NAALADL1: variants seen among roughly 807,000 people sequenced by gnomAD.
NAALADL1 encodes the protein N-acetylated alpha-linked acidic dipeptidase like 1, also known as aminopeptidase NAALADL1.
Under a neutral mutation model 82.8 loss-of-function variants are expected in NAALADL1, and 77 were observed. The ratio of observed to expected loss-of-function variants is 0.93; its 90% CI spans 0.77 to 1.12. NAALADL1 has a LOEUF of 1.12. Ranked by LOEUF, NAALADL1 falls within the 50% of genes most tolerant of loss-of-function variation. NAALADL1 has a pLI of 0.00. For synonymous variants in NAALADL1, 358 were observed against 399.2 expected (o/e 0.90, Z 1.23); for missense variants, 956 against 964.0 (o/e 0.99, Z 0.11).
intron 3 of NAALADL1, among the ~76,000 whole-genome samples, 187 bp downstream of exon 3, chr11:65,057,688 A>G (rs1442870125): frequency 6.6e-6 from 1 of 152,010 alleles, no homozygotes; most frequent in Non-Finnish European, 1.5e-5. Flanking sequence ...CCTGGCCTTG[A>G]GCAGAGCCAC....
At chr11:65,057,536 A>G (rs201651157) in intron 3 of NAALADL1, 43 bp from the exon 4 acceptor site, 1 of 1,584,522 alleles carries the variant, frequency 6.3e-7, no homozygotes, top group South Asian at 1.1e-5. Flanking sequence ...GGCCCAGCGA[A>G]GTGTGGGTGG....
chr11:65,060,980 C>T (rs1406764080), upstream of NAALADL1, among the ~76,000 whole-genome samples: 6 of 152,150 alleles, frequency 3.9e-5, no homozygotes, highest in Non-Finnish European at 7.3e-5. Flanking sequence ...CTCCGTCCCA[C>T]CCTCCTTCAC....
chr11:65,056,798 A>G (rs1048292169), intron 4 of NAALADL1, among the ~76,000 whole-genome samples: 8 of 145,562 alleles, frequency 5.5e-5, no homozygotes, highest in Non-Finnish European at 1.2e-4. Flanking sequence ...GCTCACTACC[A>G]TCTCTGCCTC....
Position 65,046,094 on chromosome 11 carries a change from C to G in NAALADL1, c.1876G>C (p.Glu626Gln), listed in dbSNP as rs747273121. Residue 626 changes from glutamate (E) to glutamine (Q), a missense_variant, in exon 16 of 18, where the codon GAG becomes CAG. By Grantham distance (29) the Glu-to-Gln change is conservative. Transcript: ENST00000358658. Reference sequence around the variant, plus strand: ...GCTGCAGCTTCTGCCTCAAACTTCTCCACTGCAGTCACCAGAGGCCCTGTG... The same window carrying G: ...GCTGCAGCTTCTGCCTCAAACTTCTGCACTGCAGTCACCAGAGGCCCTGTG... ...ISLGPLVTAV[E>Q]KFEAEAAALG... 1.2e-6 allele frequency: 2 copies of G among 1,614,146 alleles called. No individual in the cohort carries two copies. Among genetic ancestry groups the G allele is most frequent in the Non-Finnish European group, 1.7e-6 (2 of 1,180,028 alleles).
Position 65,053,359 on chromosome 11 carries a change from G to A in NAALADL1, c.1079-22C>T, listed in dbSNP as rs1366721383. 3.7e-6 allele frequency: 6 copies of A among 1,601,476 alleles called. No homozygotes were observed. The African/African-American group carries it at 8.0e-5, about 21-fold the overall frequency. ...CGATCTGGCCAGAGGAAAAGGGGCA[G>A]AGAACCAGAGGAGAGGGAGAGGTGG... On this transcript the variant is annotated intron_variant, in intron 7 of 17. Transcript: ENST00000358658. The surrounding 1 kb of genome is among the most constrained non-coding windows in gnomAD (Gnocchi z 4.3).
Position 65,046,529 on chromosome 11 carries a change from G to A in NAALADL1, c.1600-3C>T, listed in dbSNP as rs1946735600. The A allele has an allele frequency of 1.9e-6, 3 of 1,614,130 alleles. No homozygotes were observed. Among genetic ancestry groups the A allele is most frequent in the Non-Finnish European group, 2.5e-6 (3 of 1,179,984 alleles). On this transcript the variant is annotated splice_region_variant and splice_polypyrimidine_tract_variant and intron_variant, in intron 13 of 17. Coordinates refer to ENST00000358658, the MANE Select transcript of NAALADL1 (RefSeq NM_005468.3). ...TAGATCCTGGCTGAAGTCTTGCTCT[G>A]GGGGAACAAAGCCCAGAGGTGACAG...
In NAALADL1 at chr11:65,054,654, CG is replaced by C; in HGVS notation, c.687del (p.Asp230ThrfsTer28). Reference protein sequence around the residue: ...PADINDGLSSPDETFPNSWYL... With the variant: ...PADINDGLSSXDETFPNSWYL... ...TACCAGGAGTTGGGAAAGGTTTCGTCGGGTGAGCTCAGCCCATCGTTGATGT... is the reference window on the plus strand; with the variant it reads ...TACCAGGAGTTGGGAAAGGTTTCGTCGGTGAGCTCAGCCCATCGTTGATGT... On this transcript the variant is annotated frameshift_variant, in exon 5 of 18. Transcript: ENST00000358658. LOFTEE classifies it high-confidence loss of function. This position sits in a 1 kb window ranked among gnomAD's most constrained non-coding sequence, Gnocchi z 4.3. 3.1e-6 allele frequency: 5 copies of C among 1,614,090 alleles called. No homozygotes were observed. The highest frequency in any genetic ancestry group is 4.2e-6 in the Non-Finnish European group (5 of 1,180,008).
chr11:65,047,892 T>TGCCCCCCC, intron 11 of NAALADL1, 89 bp downstream of exon 11: 8 of 1,367,728 alleles, frequency 5.8e-6, no homozygotes, highest in Non-Finnish European at 3.0e-6. Context: ...AGAGTACCAC[T>TGCCCCCCC]CCCCAGCCCC....
chr11:65,057,230 C>T, intron 4 of NAALADL1, 141 bp downstream of exon 4: 4 of 1,294,902 alleles, frequency 3.1e-6, no homozygotes, highest in Non-Finnish European at 4.2e-6. Context: ...CCCGAAAACA[C>T]CTTGCCTTTC....
chr11:65,048,136 C>G lies in NAALADL1; in HGVS notation c.1348+16G>C, dbSNP rs760979063. 1 of 1,613,960 alleles carries G rather than the reference C, an allele frequency of 6.2e-7. No homozygotes were observed. The highest frequency in any genetic ancestry group is 8.5e-7 in the Non-Finnish European group (1 of 1,179,980). On this transcript the variant is annotated intron_variant, in intron 10 of 17. Transcript: ENST00000358658. ...CCCGCCGTCTCCTCCCCTTTCCTGC[C>G]CCACCACCCACATACCAAACACCGA... is the stretch of plus-strand genomic sequence containing the variant.
chr11:65,059,500 A>G (rs552361581), upstream of NAALADL1, among the ~76,000 whole-genome samples: 2 of 152,346 alleles, frequency 1.3e-5, no homozygotes, highest in Middle Eastern at 3.4e-3. Flanking sequence ...GAGCCCAGCG[A>G]TACGAGGAAT....
Position 65,057,416 on chromosome 11 carries a change from G to A in NAALADL1, c.558C>T (p.Gly186=). The A allele has an allele frequency of 1.2e-6, 2 of 1,614,190 alleles. No individual in the cohort carries two copies. The highest frequency in any genetic ancestry group is 1.7e-6 in the Non-Finnish European group (2 of 1,180,026). Residue 186 remains glycine (G), a synonymous_variant, in exon 4 of 18, where the codon GGC becomes GGT. Coordinates refer to ENST00000358658, the MANE Select transcript of NAALADL1 (RefSeq NM_005468.3). ...ELQTQGIKLE[G]TIALTRYGGV... The stretch of plus-strand genomic sequence containing the variant: ...CCCCATATCGAGTCAGGGCAATGGT[G>A]CCTTCAAGTTTGATGCCCTGAGTCT...
rs766284216 is a variant in NAALADL1 at position 65,053,596 on chromosome 11, T to C, written c.993-20A>G. ...ACCTGGCTGGGGAGGGTGAAGGGTG[T>C]GAGAAGACTCTTGGCCTTGCCCACT... On this transcript the variant is annotated intron_variant, in intron 6 of 17. Transcript: ENST00000358658. This position sits in a 1 kb window ranked among gnomAD's most constrained non-coding sequence, Gnocchi z 4.3. 6.4e-7 allele frequency: 1 copy of C among 1,571,794 alleles called. No homozygotes were observed. The highest frequency in any genetic ancestry group is 8.6e-7 in the Non-Finnish European group (1 of 1,156,912).
chr11:65,053,648 G>C lies in NAALADL1; in HGVS notation c.993-72C>G. 1 of 1,345,610 alleles carries C rather than the reference G, an allele frequency of 7.4e-7. No homozygotes were observed. Among genetic ancestry groups the C allele is most frequent in the Non-Finnish European group, 1.0e-6 (1 of 983,944 alleles). 83.4% of individuals were successfully genotyped at this position (1,345,610 alleles called of 1,614,324 possible). A position where few individuals can be genotyped will look rare whatever the true frequency, so the allele number is the denominator to read the frequency against. On this transcript the variant is annotated intron_variant, in intron 6 of 17. Coordinates refer to ENST00000358658, the MANE Select transcript of NAALADL1 (RefSeq NM_005468.3). This position sits in a 1 kb window ranked among gnomAD's most constrained non-coding sequence, Gnocchi z 4.3. ...CCCCCGACCCAGTGCAGGAGACACT[G>C]AGGCCCGGAGCTGGAAAGTGACGTG...
intron 17 of NAALADL1, 36 bp downstream of exon 17, chr11:65,045,786 C>G (rs1946706295): frequency 6.2e-7 from 1 of 1,602,042 alleles, no homozygotes; most frequent in Non-Finnish European, 8.5e-7. Flanking sequence ...CCGGCCCCAC[C>G]TGGAGGCACC....
rs1338153205 is a variant in NAALADL1, at chr11:65,053,407, G to A, written c.1079-70C>T. The A allele has an allele frequency of 6.2e-7, 1 of 1,612,850 alleles. No individual in the cohort carries two copies. Among genetic ancestry groups the A allele is most frequent in the Admixed American group, 1.7e-5 (1 of 59,916 alleles). ...TGGGCAGGGGGAGCTGGGCTGGGTG[G>A]TGGCAAGGGCAGGGCTGGATGAGGA... On this transcript the variant is annotated intron_variant, in intron 7 of 17. Coordinates refer to ENST00000358658, the MANE Select transcript of NAALADL1 (RefSeq NM_005468.3). The surrounding 1 kb of genome is among the most constrained non-coding windows in gnomAD (Gnocchi z 4.3).
chr11:65,045,617 C>T lies in NAALADL1; in HGVS notation c.2037-160G>A, dbSNP rs184945427. The T allele has an allele frequency of 7.8e-4, 728 of 928,790 alleles. 4 individuals are homozygous for T. The highest frequency in any genetic ancestry group is 8.1e-4 in the Non-Finnish European group (508 of 630,942). 57.5% of individuals were successfully genotyped at this position (928,790 alleles called of 1,614,324 possible). A position where few individuals can be genotyped will look rare whatever the true frequency, so the allele number is the denominator to read the frequency against. ...AGGGAGCTCTTACAGCAGTGGCGGT[C>T]GGGGGAGGAAATGTGGGTTCCAGTC... On this transcript the variant is annotated intron_variant, in intron 17 of 17. Transcript: ENST00000358658.
Position 65,048,290 on chromosome 11 carries a change from G to A in NAALADL1, c.1284+10C>T, listed in dbSNP as rs748011750. The A allele has an allele frequency of 2.2e-5, 36 of 1,614,082 alleles. No individual in the cohort carries two copies. In the South Asian group the frequency reaches 3.7e-4, roughly 17 times the overall value. ...CCCCTTTCGATCCCCTACCCTGTAGGGCCACTCACTTCTGTGAATTCCGTG... is the reference window on the plus strand; with the variant it reads ...CCCCTTTCGATCCCCTACCCTGTAGAGCCACTCACTTCTGTGAATTCCGTG... On this transcript the variant is annotated intron_variant, in intron 9 of 17. Transcript: ENST00000358658.
At chr11:65,052,904 G>A (rs533752394) in intron 8 of NAALADL1, among the ~76,000 whole-genome samples, 1 of 152,208 alleles carries the variant, frequency 6.6e-6, no homozygotes, top group Non-Finnish European at 1.5e-5. Flanking sequence ...GTTAACAATC[G>A]GCTGCCGTCC....
Sources: allele counts gnomAD v4.1 joint callset (sites outside exome capture counted in the v4.1 genomes callset), GRCh38; gene constraint gnomAD v4.1.1; non-coding constraint Gnocchi (gnomAD v3.1); transcripts MANE v1.5; gene names NCBI Gene and HGNC (gene_info 2026-07-23, HGNC 2026-07-21).